Variants in PLD1 observed in about 807,000 individuals in gnomAD.
PLD1 encodes choline phosphatase 1.
PLD1 carries 112 observed loss-of-function variants against 137.1 expected under a neutral mutation model. That is an observed-to-expected ratio of 0.82 (90% CI 0.70 to 0.96). The LOEUF is 0.96. Ranked by LOEUF, PLD1 falls within the 40% of genes least tolerant of loss-of-function variation. The probability of loss-of-function intolerance (pLI) is 0.00; values close to 1 mark genes in which losing one functional copy is unlikely to be tolerated. For synonymous variants in PLD1, 431 were observed against 454.7 expected (o/e 0.95, Z 0.66); for missense variants, 1,321 against 1,342.0 (o/e 0.98, Z 0.24).
Position 171,677,590 on chromosome 3 carries a change from C to A in PLD1, c.1972G>T (p.Val658Phe). ...CCAGCAAAAGGTTTATCAAGTTGAA[C>A]CCAGTCTTTGAAGACGAAATTGCAG... Reference protein sequence around the residue: ...DYCNFVFKDWVQLDKPFADFI... With the variant: ...DYCNFVFKDWFQLDKPFADFI... The change falls in exon 17 of 27, where the codon GTT (valine) becomes TTT (phenylalanine). Residue 658 changes from valine (V) to phenylalanine (F), a missense_variant. Transcript: ENST00000351298. The A allele has an allele frequency of 6.2e-7, 1 of 1,614,000 alleles. No individual in the cohort carries two copies. The highest frequency in any genetic ancestry group is 8.5e-7 in the Non-Finnish European group (1 of 1,179,904).
intron 9 of PLD1, among the ~76,000 whole-genome samples, chr3:171,711,256 C>T (rs541364864): frequency 1.3e-4 from 19 of 149,624 alleles, no homozygotes; most frequent in Non-Finnish European, 2.5e-4. Context: ...CTCCAACTTC[C>T]GCCTCCTGGG....
intron 8 of PLD1, chr3:171,721,495 T>G (rs1000622429): frequency 1.3e-5 from 2 of 152,232 alleles, no homozygotes; most frequent in African/African-American, 4.8e-5. Context: ...TCCTGGGAGC[T>G]GTTGACACTT....
chr3:171,706,112 C>A (rs1716658902), intron 11 of PLD1, among the ~76,000 whole-genome samples: 1 of 143,130 alleles, frequency 7.0e-6, no homozygotes, highest in Admixed American at 7.1e-5. Context: ...CAAACCAACA[C>A]CGGGTCAGTC....
chr3:171,747,343 C>T (rs1443761038), intron 1 of PLD1, among the ~76,000 whole-genome samples: 3 of 152,318 alleles, frequency 2.0e-5, no homozygotes, highest in South Asian at 2.1e-4. Context: ...GCTGAGCACA[C>T]TGATACAAAA....
At chr3:171,632,646 G>A (rs1365239439) in intron 23 of PLD1, among the ~76,000 whole-genome samples, 1 of 152,078 alleles carries the variant, frequency 6.6e-6, no homozygotes, top group Non-Finnish European at 1.5e-5. Flanking sequence ...GAGAGAGAAT[G>A]ATAAAGCAAA....
At chr3:171,688,620 A>ATATGTATTAGT in intron 14 of PLD1, 56 bp downstream of exon 14, 1 of 1,328,838 alleles carries the variant, frequency 7.5e-7, no homozygotes, top group Non-Finnish European at 1.1e-6. Context: ...TACTAATACA[A>ATATGTATTAGT]ACTTATACAA....
At chr3:171,792,345 T>A (rs1435357078) in intron 1 of PLD1, 2 of 338,672 alleles carry the variant, frequency 5.9e-6, no homozygotes, top group Non-Finnish European at 1.2e-5. Context: ...GCCAGTTCCA[T>A]CCTCTTATCT....
intron 16 of PLD1, among the ~76,000 whole-genome samples, chr3:171,685,384 T>C (rs1404535723): frequency 6.6e-6 from 1 of 152,222 alleles, no homozygotes; most frequent in African/African-American, 2.4e-5. Context: ...ATGAGAGCCC[T>C]GGCCTTAGGT....
At chr3:171,775,005 C>A (rs1416463486) in intron 1 of PLD1, among the ~76,000 whole-genome samples, 1 of 152,082 alleles carries the variant, frequency 6.6e-6, no homozygotes, top group Non-Finnish European at 1.5e-5. Flanking sequence ...AGCTGGGGGA[C>A]AGTGGGACAC....
At chr3:171,653,084 T>C (rs752241211) in intron 21 of PLD1, among the ~76,000 whole-genome samples, 17 of 152,176 alleles carry the variant, frequency 1.1e-4, no homozygotes, top group Non-Finnish European at 2.4e-4. Flanking sequence ...TATCCAACCA[T>C]AGCTGTATGA....
At chr3:171,693,740 T>A (rs923911321) in intron 12 of PLD1, among the ~76,000 whole-genome samples, 4 of 152,176 alleles carry the variant, frequency 2.6e-5, no homozygotes, top group African/African-American at 7.2e-5. Flanking sequence ...TTTTCCATAA[T>A]ACTTTCTAGA....
chr3:171,683,529 C>T (rs1156743832), intron 16 of PLD1, among the ~76,000 whole-genome samples: 1 of 116,056 alleles, frequency 8.6e-6, no homozygotes, highest in African/African-American at 3.6e-5. Context: ...CTGTCGGAAA[C>T]ACCCTCTCTC....
intron 1 of PLD1, among the ~76,000 whole-genome samples, chr3:171,774,519 C>T (rs898909719): frequency 1.3e-5 from 2 of 152,136 alleles, no homozygotes; most frequent in African/African-American, 2.4e-5. Context: ...GCATCACCAA[C>T]GGATGCTAAA....
chr3:171,633,229 T>G (rs1443292022), intron 23 of PLD1, among the ~76,000 whole-genome samples: 2 of 152,174 alleles, frequency 1.3e-5, no homozygotes, highest in African/African-American at 4.8e-5. Context: ...TGCCTTGACA[T>G]GTAATAGGTA....
intron 1 of PLD1, chr3:171,765,348 A>G (rs1721906083): frequency 6.6e-6 from 1 of 152,218 alleles, no homozygotes; most frequent in African/African-American, 2.4e-5. Context: ...GTACCCAAGA[A>G]CAAAATGTTC....
intron 1 of PLD1, among the ~76,000 whole-genome samples, chr3:171,786,441 T>C (rs1350187074): frequency 1.3e-5 from 2 of 152,194 alleles, no homozygotes; most frequent in African/African-American, 2.4e-5. Flanking sequence ...TTCTGCATTA[T>C]AGAATCCTGT....
intron 1 of PLD1, among the ~76,000 whole-genome samples, chr3:171,803,851 C>T (rs752085228): frequency 6.6e-6 from 1 of 152,136 alleles, no homozygotes; most frequent in Non-Finnish European, 1.5e-5. Context: ...AAATAATAAA[C>T]ATAAATAGCA....
chr3:171,728,147 T>C (rs542260312), intron 6 of PLD1, among the ~76,000 whole-genome samples: 1 of 152,126 alleles, frequency 6.6e-6, no homozygotes, highest in East Asian at 1.9e-4. Flanking sequence ...CCATCTCTAC[T>C]AAAAATACAA....
intron 1 of PLD1, among the ~76,000 whole-genome samples, chr3:171,761,207 G>A (rs1721368815): frequency 6.6e-6 from 1 of 152,156 alleles, no homozygotes; most frequent in South Asian, 2.1e-4. Flanking sequence ...AGAGCAAGTG[G>A]TAGGAACACA....
Sources: allele counts gnomAD v4.1 joint callset (sites outside exome capture counted in the v4.1 genomes callset), GRCh38; gene constraint gnomAD v4.1.1; transcripts MANE v1.5; gene names NCBI Gene and HGNC (gene_info 2026-07-23, HGNC 2026-07-21).